Variants in STON2 observed in about 807,000 individuals in gnomAD.
The protein encoded by STON2 is stonin 2, also known as stonin-2.
In STON2, 29 loss-of-function variants were observed where a neutral mutation model predicts 65.7. The ratio of observed to expected loss-of-function variants is 0.44; its 90% CI spans 0.33 to 0.60. The LOEUF is 0.60. STON2 is among the 20% of genes least tolerant of loss of function. The pLI, the probability that STON2 is intolerant of heterozygous loss-of-function variation, is 0.03. For synonymous variants in STON2, 404 were observed against 414.2 expected (o/e 0.98, Z 0.30); for missense variants, 1,054 against 1,118.1 (o/e 0.94, Z 0.82).
chr14:81,263,168 A>ATTAG lies in STON2; in HGVS notation c.*5245_*5246insCTAA. The ATTAG allele has an allele frequency of 4.1e-6, 4 of 985,346 alleles. No individual in the cohort carries two copies. Among genetic ancestry groups the ATTAG allele is most frequent in the Non-Finnish European group, 4.8e-6 (4 of 829,878 alleles). 61.0% of individuals were successfully genotyped at this position (985,346 alleles called of 1,614,324 possible). On this transcript the variant is annotated 3_prime_UTR_variant, in exon 8 of 8. Transcript: ENST00000614646. ...TAAATTGCATTCTGGACATGACCTA[A>ATTAG]GGCTAGCTTGTCCAACCCTTGGCCC...
At chr14:81,379,903 T>G (rs1178983897) in intron 3 of STON2, among the ~76,000 whole-genome samples, 1 of 152,028 alleles carries the variant, frequency 6.6e-6, no homozygotes, top group Non-Finnish European at 1.5e-5. Flanking sequence ...TAGAAGAAAA[T>G]GTAGGGAATA....
chr14:81,359,718 T>G (rs1898405011), intron 4 of STON2, among the ~76,000 whole-genome samples: 3 of 151,984 alleles, frequency 2.0e-5, no homozygotes, highest in Admixed American at 2.0e-4. Flanking sequence ...ACAAAGGATA[T>G]TAAAAGAATA....
At chr14:81,330,247 CA>C (rs1483147290) in intron 4 of STON2, among the ~76,000 whole-genome samples, 5 of 152,168 alleles carry the variant, frequency 3.3e-5, no homozygotes, top group Non-Finnish European at 7.3e-5. Context: ...GAGAACCTGG[CA>C]TGTGAGAGGT....
chr14:81,277,442 A>T lies in STON2; in HGVS notation c.2040T>A (p.Asn680Lys). The T allele has an allele frequency of 6.2e-7, 1 of 1,614,080 alleles. No individual in the cohort carries two copies. Among genetic ancestry groups the T allele is most frequent in the Non-Finnish European group, 8.5e-7 (1 of 1,180,026 alleles). Residue 680 changes from asparagine (N) to lysine (K), a missense_variant, in exon 6 of 8, where the codon AAT becomes AAA. By Grantham distance (94) the Asn-to-Lys change is moderately conservative. Transcript: ENST00000614646. Reference sequence around the variant, plus strand: ...TGATGTCCTGCCTCAAAACTATTTCATTCCCTTTGACGAGGATGTCATTGA... The same window carrying T: ...TGATGTCCTGCCTCAAAACTATTTCTTTCCCTTTGACGAGGATGTCATTGA... ...LGLNDILVKGNEIVLRQDIMP... is the reference protein window; with the variant it reads ...LGLNDILVKGKEIVLRQDIMP...
chr14:81,391,502 T>C (rs941374353), intron 3 of STON2, among the ~76,000 whole-genome samples: 1 of 152,206 alleles, frequency 6.6e-6, no homozygotes, highest in African/African-American at 2.4e-5. Context: ...GCTCTGCCAA[T>C]TACTCTATCC....
At chr14:81,321,756 G>C (rs1379272394) in intron 5 of STON2, among the ~76,000 whole-genome samples, 1 of 152,146 alleles carries the variant, frequency 6.6e-6, no homozygotes, top group Non-Finnish European at 1.5e-5. Flanking sequence ...CCATGAATGG[G>C]AGTGTATAAA....
chr14:81,428,048 A>C (rs370033982), intron 1 of STON2, among the ~76,000 whole-genome samples: 1 of 152,102 alleles, frequency 6.6e-6, no homozygotes, highest in African/African-American at 2.4e-5. Flanking sequence ...ATGAGATGCT[A>C]CTCCTCCTGA....
intron 4 of STON2, among the ~76,000 whole-genome samples, chr14:81,354,643 G>A (rs983051076): frequency 1.3e-5 from 2 of 152,116 alleles, no homozygotes; most frequent in South Asian, 2.1e-4. Context: ...AATTATACAT[G>A]AACGAGAATT....
chr14:81,313,275 G>A (rs538048119), intron 5 of STON2, among the ~76,000 whole-genome samples: 31 of 152,232 alleles, frequency 2.0e-4, no homozygotes, highest in African/African-American at 7.2e-4. Context: ...AGATAATAAA[G>A]GAAGAGAAGA....
intron 4 of STON2, among the ~76,000 whole-genome samples, chr14:81,351,257 A>G (rs541830847): frequency 6.7e-6 from 1 of 150,066 alleles, no homozygotes; most frequent in South Asian, 2.1e-4. Context: ...GTAGCTTTAC[A>G]AAATTCATTG....
At chr14:81,308,770 A>C (rs1896280478) in intron 5 of STON2, among the ~76,000 whole-genome samples, 2 of 139,948 alleles carry the variant, frequency 1.4e-5, no homozygotes, top group East Asian at 2.2e-4. Context: ...CCCAGAGGAC[A>C]TGGTTTTACC....
chr14:81,336,113 G>A (rs1897362184), intron 4 of STON2, among the ~76,000 whole-genome samples: 1 of 152,138 alleles, frequency 6.6e-6, no homozygotes. Context: ...GAGTCAGAAG[G>A]CAAGTGAAGC....
intron 3 of STON2, among the ~76,000 whole-genome samples, chr14:81,390,856 C>T (rs1900047001): frequency 6.6e-6 from 1 of 152,214 alleles, no homozygotes; most frequent in South Asian, 2.1e-4. Flanking sequence ...AACTGCACTC[C>T]CCGCAGAGGC....
At chr14:81,419,502 A>G (rs1376031227) in intron 2 of STON2, among the ~76,000 whole-genome samples, 3 of 152,236 alleles carry the variant, frequency 2.0e-5, no homozygotes, top group African/African-American at 7.2e-5. Flanking sequence ...ACTAGTTCAC[A>G]GGTTCTAAAT....
intron 1 of STON2, among the ~76,000 whole-genome samples, chr14:81,430,894 C>A (rs1463687484): frequency 1.3e-5 from 2 of 152,154 alleles, no homozygotes; most frequent in Admixed American, 6.5e-5. Flanking sequence ...CATTTCAAAT[C>A]CCCCTGGCTG....
chr14:81,369,044 AC>A, intron 4 of STON2, among the ~76,000 whole-genome samples: 4 of 152,138 alleles, frequency 2.6e-5, no homozygotes, highest in Non-Finnish European at 5.9e-5. Flanking sequence ...AAACACCAGC[AC>A]CAGATTTGGG....
chr14:81,284,696 C>T (rs2062552638), intron 5 of STON2, among the ~76,000 whole-genome samples: 1 of 152,084 alleles, frequency 6.6e-6, no homozygotes, highest in East Asian at 1.9e-4. Flanking sequence ...GAAGATAAAA[C>T]AGCCTTTTAC....
At chr14:81,331,872 C>T (rs548943981) in intron 4 of STON2, among the ~76,000 whole-genome samples, 2 of 152,184 alleles carry the variant, frequency 1.3e-5, no homozygotes, top group Non-Finnish European at 2.9e-5. Flanking sequence ...GCCCTCATTC[C>T]TCAACAGTTT....
At position 81,263,231 on chromosome 14, in the gene STON2, A is replaced by G. The variant is rs1894219494; in HGVS notation, c.*5183T>C. The stretch of plus-strand genomic sequence containing the variant: ...AATGTGGCCCAAGACAAATTCGTAA[A>G]CTTTCTTAAAACATTATGCTATTTT... On this transcript the variant is annotated 3_prime_UTR_variant, in exon 8 of 8. Transcript: ENST00000614646. 2 of 926,196 alleles carry G rather than the reference A, an allele frequency of 2.2e-6. No individual in the cohort carries two copies. The highest frequency in any genetic ancestry group is 2.6e-6 in the Non-Finnish European group (2 of 776,016). The allele number at this position is 926,196 out of a possible 1,614,324, so 57.4% of individuals were successfully genotyped here. A position where few individuals can be genotyped will look rare whatever the true frequency, so the allele number is the denominator to read the frequency against.
Sources: allele counts gnomAD v4.1 joint callset (sites outside exome capture counted in the v4.1 genomes callset), GRCh38; gene constraint gnomAD v4.1.1; transcripts MANE v1.5; gene names NCBI Gene and HGNC (gene_info 2026-07-23, HGNC 2026-07-21).